The following SH3GL2 variants were observed in gnomAD, a reference collection of about 807,000 sequenced individuals.
SH3GL2 encodes the protein endophilin-A1.
In SH3GL2, 24 loss-of-function variants were observed where a neutral mutation model predicts 46.0. That is an observed-to-expected ratio of 0.52 (90% CI 0.38 to 0.73). The LOEUF (loss-of-function observed/expected upper bound fraction) is 0.73, where lower values mean the gene tolerates loss of function less well. Ranked by LOEUF, SH3GL2 falls within the 30% of genes least tolerant of loss-of-function variation. The probability of loss-of-function intolerance (pLI) is 0.00; values close to 1 mark genes in which losing one functional copy is unlikely to be tolerated. For missense variants in SH3GL2, 413 were observed against 424.2 expected (o/e 0.97, Z 0.23); for synonymous variants, 196 against 147.1 (o/e 1.33, Z -2.40).
intron 1 of SH3GL2, among the ~76,000 whole-genome samples, chr9:17,619,211 A>T (rs1460714093): frequency 6.6e-6 from 1 of 152,192 alleles, no homozygotes; most frequent in African/African-American, 2.4e-5. Context: ...TCTGGCACAG[A>T]GAAGGAAGTG....
At chr9:17,747,496 T>A (rs16935960) in intron 2 of SH3GL2, among the ~76,000 whole-genome samples, 2 of 152,010 alleles carry the variant, frequency 1.3e-5, no homozygotes, top group South Asian at 4.1e-4. Context: ...TGGGAGAGTT[T>A]AAGTCACTTT....
chr9:17,655,373 C>T (rs1314072665), intron 1 of SH3GL2, among the ~76,000 whole-genome samples: 1 of 152,164 alleles, frequency 6.6e-6, no homozygotes, highest in Non-Finnish European at 1.5e-5. Flanking sequence ...ACTACGATCT[C>T]TGGCTCCCCA....
intron 1 of SH3GL2, among the ~76,000 whole-genome samples, chr9:17,679,314 C>G (rs905906278): frequency 1.3e-4 from 20 of 152,092 alleles, no homozygotes; most frequent in African/African-American, 3.6e-4. Context: ...TCGTTGAGCA[C>G]TGGTTTGTAG....
At chr9:17,741,252 A>G (rs1822521163) in intron 1 of SH3GL2, among the ~76,000 whole-genome samples, 1 of 152,200 alleles carries the variant, frequency 6.6e-6, no homozygotes, top group South Asian at 2.1e-4. Context: ...ATTTTCTATC[A>G]AATGTATGTG....
intron 1 of SH3GL2, among the ~76,000 whole-genome samples, chr9:17,728,376 A>G (rs1563829337): frequency 6.6e-6 from 1 of 152,178 alleles, no homozygotes; most frequent in Non-Finnish European, 1.5e-5. Flanking sequence ...TCATAATATA[A>G]CTTACTCTTC....
At chr9:17,608,494 C>A (rs1193435819) in intron 1 of SH3GL2, among the ~76,000 whole-genome samples, 1 of 152,192 alleles carries the variant, frequency 6.6e-6, no homozygotes, top group Non-Finnish European at 1.5e-5. Context: ...AGATTTGGTT[C>A]TTCCTCATCC....
rs899187241 is a variant in SH3GL2, at chr9:17,731,125, G to A, written c.46-15941G>A. Among the ~76,000 whole-genome samples, 4 of 152,134 alleles carry A rather than the reference G, an allele frequency of 2.6e-5. No individual in the cohort carries two copies. The East Asian group carries it at 7.7e-4, about 29-fold the overall frequency. ...GGCAGGAATGATACCTTTTCCTAAA[G>A]CAGCGTCCTTTGGTTATGCCAAGCT... On this transcript the variant is annotated intron_variant, in intron 1 of 8. Coordinates refer to ENST00000380607, the MANE Select transcript of SH3GL2 (RefSeq NM_003026.5).
chr9:17,756,490 G>A (rs1465667646), intron 2 of SH3GL2, among the ~76,000 whole-genome samples: 3 of 93,990 alleles, frequency 3.2e-5, no homozygotes, highest in Non-Finnish European at 4.0e-5. Context: ...CCCACCCCAC[G>A]GCAGGCCCCC....
chr9:17,721,618 A>G (rs532180927), intron 1 of SH3GL2, among the ~76,000 whole-genome samples: 27 of 152,150 alleles, frequency 1.8e-4, no homozygotes, highest in African/African-American at 6.3e-4. Context: ...TTCCACCTAA[A>G]GAAAAAAAGT....
intron 1 of SH3GL2, among the ~76,000 whole-genome samples, chr9:17,693,231 G>T (rs767148195): frequency 1.4e-4 from 22 of 152,130 alleles, no homozygotes; most frequent in Non-Finnish European, 2.9e-4. Context: ...CGTTATGTTT[G>T]GACACATGGA....
chr9:17,793,216 C>G, intron 7 of SH3GL2, 151 bp from the exon 8 acceptor site: 1 of 661,824 alleles, frequency 1.5e-6, no homozygotes, highest in Admixed American at 3.1e-5. Context: ...CATATACATA[C>G]AAGAAAACTA....
In SH3GL2 at chr9:17,781,983, A is replaced by C. The variant is rs1823822325; in HGVS notation, c.188-4398A>C. Among the ~76,000 whole-genome samples the C allele has an allele frequency of 2.0e-5, 3 of 152,112 alleles. No homozygotes were observed. In the South Asian group the frequency reaches 6.2e-4, roughly 31 times the overall value. On this transcript the variant is annotated intron_variant, in intron 3 of 8. Coordinates refer to ENST00000380607, the MANE Select transcript of SH3GL2 (RefSeq NM_003026.5). ...TCTCCACCTGGATAATAAGCTTTTT[A>C]AGAGCAGAGGCTGCACCTCACTTCT...
intron 1 of SH3GL2, among the ~76,000 whole-genome samples, chr9:17,625,157 C>T (rs183134559): frequency 2.6e-4 from 39 of 152,202 alleles, no homozygotes; most frequent in Middle Eastern, 3.4e-3. Context: ...GTTGTGTTCT[C>T]GTCTCACCAT....
intron 1 of SH3GL2, among the ~76,000 whole-genome samples, chr9:17,737,237 G>A (rs1243435223): frequency 6.6e-6 from 1 of 152,004 alleles, no homozygotes; most frequent in Non-Finnish European, 1.5e-5. Flanking sequence ...AGCATTAGGA[G>A]AAATACCTAA....
At chr9:17,581,322 A>G (rs191812843) in intron 1 of SH3GL2, among the ~76,000 whole-genome samples, 13 of 152,340 alleles carry the variant, frequency 8.5e-5, no homozygotes, top group African/African-American at 2.4e-4. Flanking sequence ...GTGATGCGAT[A>G]CGGTTAATGT....
chr9:17,783,146 T>C (rs528766487), intron 3 of SH3GL2, among the ~76,000 whole-genome samples: 4 of 152,110 alleles, frequency 2.6e-5, no homozygotes, highest in Non-Finnish European at 5.9e-5. Context: ...CATTGAACAC[T>C]GATAACAGTC....
At chr9:17,732,598 G>C (rs1211021192) in intron 1 of SH3GL2, among the ~76,000 whole-genome samples, 1 of 152,080 alleles carries the variant, frequency 6.6e-6, no homozygotes, top group Non-Finnish European at 1.5e-5. Flanking sequence ...GAATGGTTAG[G>C]CACAGGGGCC....
chr9:17,758,211 T>C (rs1823057588), intron 2 of SH3GL2, among the ~76,000 whole-genome samples: 1 of 152,106 alleles, frequency 6.6e-6, no homozygotes, highest in Non-Finnish European at 1.5e-5. Context: ...TTAAACAGAA[T>C]GCTCCCCTGG....
intron 2 of SH3GL2, among the ~76,000 whole-genome samples, chr9:17,757,197 A>C (rs549855683): frequency 6.6e-6 from 1 of 152,262 alleles, no homozygotes; most frequent in African/African-American, 2.4e-5. Flanking sequence ...GACCATAAAA[A>C]CCCTAGAAGA....
Sources: allele counts gnomAD v4.1 joint callset (sites outside exome capture counted in the v4.1 genomes callset), GRCh38; gene constraint gnomAD v4.1.1; transcripts MANE v1.5; gene names NCBI Gene and HGNC (gene_info 2026-07-23, HGNC 2026-07-21).